Variants in LRRC4C observed in about 807,000 individuals in gnomAD.
LRRC4C encodes the protein leucine rich repeat containing 4C, also known as leucine-rich repeat-containing protein 4C.
Under a neutral mutation model 33.6 loss-of-function variants are expected in LRRC4C, and 5 were observed. The ratio of observed to expected loss-of-function variants is 0.15; its 90% CI spans 0.08 to 0.31. The LOEUF is 0.31. Ranked by LOEUF, LRRC4C falls within the 10% of genes least tolerant of loss-of-function variation. The pLI, the probability that LRRC4C is intolerant of heterozygous loss-of-function variation, is 1.00. For synonymous variants in LRRC4C, 329 were observed against 302.0 expected (o/e 1.09, Z -0.93); for missense variants, 560 against 796.7 (o/e 0.70, Z 3.58).
chr11:41,448,597 C>A (rs772014167), intron 1 of LRRC4C, among the ~76,000 whole-genome samples: 1 of 152,094 alleles, frequency 6.6e-6, no homozygotes, highest in Non-Finnish European at 1.5e-5. Flanking sequence ...TGAGCCACTG[C>A]GCCCAGCTAC....
chr11:40,439,057 A>T lies in LRRC4C; in HGVS notation c.-269-119336T>A, dbSNP rs541350885. ...GCCATTCTCCTGCCTCAGCCTCCCTAGTAGCTGGGTCTACAGGCACCTGCC... is the reference window on the plus strand; with the variant it reads ...GCCATTCTCCTGCCTCAGCCTCCCTTGTAGCTGGGTCTACAGGCACCTGCC... On this transcript the variant is annotated intron_variant, in intron 3 of 6. Coordinates refer to ENST00000528697, the MANE Select transcript of LRRC4C (RefSeq NM_001258419.2). Among the ~76,000 whole-genome samples, 7 of 145,228 alleles carry T rather than the reference A, an allele frequency of 4.8e-5. No individual in the cohort carries two copies. In the South Asian group the frequency reaches 1.3e-3, roughly 27 times the overall value.
chr11:41,078,679 G>C (rs1214757204), intron 1 of LRRC4C, among the ~76,000 whole-genome samples: 3 of 152,082 alleles, frequency 2.0e-5, no homozygotes, highest in Non-Finnish European at 4.4e-5. Context: ...CCTCCCACCA[G>C]GCACCTCTTC....
chr11:40,343,315 G>A (rs1946958704), intron 3 of LRRC4C, among the ~76,000 whole-genome samples: 2 of 151,590 alleles, frequency 1.3e-5, no homozygotes, highest in Non-Finnish European at 2.9e-5. Flanking sequence ...TCTGTATGAT[G>A]AAGATGCTAT....
At chr11:40,946,463 G>T (rs2136657802) in intron 1 of LRRC4C, among the ~76,000 whole-genome samples, 1 of 152,244 alleles carries the variant, frequency 6.6e-6, no homozygotes, top group South Asian at 2.1e-4. Context: ...TAATGGGATT[G>T]CTGGGTCAAA....
intron 3 of LRRC4C, among the ~76,000 whole-genome samples, chr11:40,634,886 T>C (rs1157591641): frequency 6.6e-6 from 1 of 151,998 alleles, no homozygotes; most frequent in Admixed American, 6.6e-5. Flanking sequence ...CAAGACACTG[T>C]CTGTGAAAAA....
chr11:40,392,837 C>T (rs1170503676), intron 3 of LRRC4C, among the ~76,000 whole-genome samples: 1 of 151,744 alleles, frequency 6.6e-6, no homozygotes, highest in Non-Finnish European at 1.5e-5. Flanking sequence ...TATTTGCTTT[C>T]AATACAACCC....
intron 4 of LRRC4C, among the ~76,000 whole-genome samples, chr11:40,274,865 C>T (rs1266190869): frequency 6.6e-6 from 1 of 152,120 alleles, no homozygotes; most frequent in Non-Finnish European, 1.5e-5. Context: ...ACAGCCATTA[C>T]AAAGGTGCTG....
intron 2 of LRRC4C, among the ~76,000 whole-genome samples, chr11:40,697,230 G>A (rs1591491205): frequency 6.6e-6 from 1 of 152,070 alleles, no homozygotes; most frequent in African/African-American, 2.4e-5. Flanking sequence ...TGCTTTGAAA[G>A]CACTGAGATG....
intron 3 of LRRC4C, among the ~76,000 whole-genome samples, chr11:40,464,367 T>TG (rs1952553682): frequency 6.6e-6 from 1 of 151,872 alleles, no homozygotes; most frequent in Admixed American, 6.6e-5. Context: ...CCAGCCAACA[T>TG]CATACTGCAT....
In LRRC4C at chr11:40,827,453, T is replaced by A. The variant is rs1466668500; in HGVS notation, c.-407+106182A>T. Among the ~76,000 whole-genome samples the A allele has an allele frequency of 2.6e-5, 4 of 151,616 alleles. No homozygotes were observed. In the South Asian group the frequency reaches 6.2e-4, roughly 24 times the overall value. On this transcript the variant is annotated intron_variant, in intron 2 of 6. Coordinates refer to ENST00000528697, the MANE Select transcript of LRRC4C (RefSeq NM_001258419.2). ...AAAGAAAAAATAAAAAAAGTTCCTC[T>A]TGAGCCTAAAGCCAAAAGCAAAGAC...
intron 3 of LRRC4C, among the ~76,000 whole-genome samples, chr11:40,577,111 T>G (rs1427611891): frequency 6.6e-6 from 1 of 152,032 alleles, no homozygotes; most frequent in Non-Finnish European, 1.5e-5. Flanking sequence ...ATACACTGAG[T>G]TTTTTAAATC....
intron 1 of LRRC4C, among the ~76,000 whole-genome samples, chr11:40,991,350 T>C (rs1250467238): frequency 1.3e-5 from 2 of 152,058 alleles, no homozygotes; most frequent in Non-Finnish European, 2.9e-5. Flanking sequence ...TATGATGTTA[T>C]AAAATCAGGC....
At chr11:40,253,883 A>G (rs1866985985) in intron 4 of LRRC4C, among the ~76,000 whole-genome samples, 1 of 152,194 alleles carries the variant, frequency 6.6e-6, no homozygotes, top group African/African-American at 2.4e-5. Flanking sequence ...ATACGTTATT[A>G]CTTTGAGGTA....
chr11:40,369,406 G>A (rs1250306120), intron 3 of LRRC4C, among the ~76,000 whole-genome samples: 8 of 152,176 alleles, frequency 5.3e-5, no homozygotes, highest in East Asian at 1.9e-4. Flanking sequence ...GTGCAATGGC[G>A]CGATCTCGGA....
chr11:40,552,222 T>C (rs1452439550), intron 3 of LRRC4C, among the ~76,000 whole-genome samples: 1 of 152,214 alleles, frequency 6.6e-6, no homozygotes, highest in Non-Finnish European at 1.5e-5. Context: ...TCCTGACTAC[T>C]ACAGGGCTCA....
At chr11:40,771,146 G>A (rs1353081858) in intron 2 of LRRC4C, among the ~76,000 whole-genome samples, 1 of 152,178 alleles carries the variant, frequency 6.6e-6, no homozygotes, top group African/African-American at 2.4e-5. Context: ...ACTACTGCCT[G>A]GACATCCAGG....
intron 2 of LRRC4C, among the ~76,000 whole-genome samples, chr11:40,749,678 A>T (rs1448723006): frequency 6.6e-6 from 1 of 151,924 alleles, no homozygotes; most frequent in Non-Finnish European, 1.5e-5. Flanking sequence ...GATCAATGAA[A>T]TAGAAAGTTG....
chr11:40,383,628 T>C (rs1054117026), intron 3 of LRRC4C, among the ~76,000 whole-genome samples: 6 of 152,156 alleles, frequency 3.9e-5, no homozygotes, highest in African/African-American at 1.4e-4. Flanking sequence ...GCAACTCTCA[T>C]ATATGTGTTG....
chr11:40,309,070 A>T (rs1945176662), intron 4 of LRRC4C, among the ~76,000 whole-genome samples: 1 of 152,216 alleles, frequency 6.6e-6, no homozygotes. Flanking sequence ...ACACCAGTAC[A>T]GGCTGTATTG....
Sources: allele counts gnomAD v4.1 joint callset (sites outside exome capture counted in the v4.1 genomes callset), GRCh38; gene constraint gnomAD v4.1.1; transcripts MANE v1.5; gene names NCBI Gene and HGNC (gene_info 2026-07-23, HGNC 2026-07-21).